DLG2: variants seen among roughly 807,000 people sequenced by gnomAD.
DLG2 encodes the protein disks large homolog 2.
A neutral mutation model predicts 132.5 loss-of-function variants in DLG2; 45 were observed. The observed-to-expected ratio is 0.34, with a 90% CI of 0.27 to 0.44. The LOEUF (loss-of-function observed/expected upper bound fraction) is 0.44, where lower values mean the gene tolerates loss of function less well. Among genes scored for constraint, DLG2 ranks in the 20% least tolerant of loss-of-function variants. The pLI is 1.00. For synonymous variants in DLG2, 424 were observed against 419.6 expected (o/e 1.01, Z -0.13); for missense variants, 1,045 against 1,196.9 (o/e 0.87, Z 1.87).
At chr11:85,109,726 C>T (rs1340673698) in intron 6 of DLG2, among the ~76,000 whole-genome samples, 2 of 152,032 alleles carry the variant, frequency 1.3e-5, no homozygotes, top group Admixed American at 1.3e-4. Flanking sequence ...CTGCCTTATT[C>T]ATGTTTATAT....
intron 3 of DLG2, among the ~76,000 whole-genome samples, chr11:85,355,179 T>G (rs188932266): frequency 2.6e-5 from 4 of 152,290 alleles, no homozygotes; most frequent in Admixed American, 2.6e-4. Context: ...AATTGATCAG[T>G]TGATTGAATA....
At chr11:84,108,618 A>T (rs1196453541) in intron 9 of DLG2, among the ~76,000 whole-genome samples, 2 of 152,102 alleles carry the variant, frequency 1.3e-5, no homozygotes, top group African/African-American at 4.8e-5. Context: ...GTGGTAAGAA[A>T]GGGAAGGAAG....
intron 12 of DLG2, among the ~76,000 whole-genome samples, chr11:83,975,496 T>G (rs907120125): frequency 6.6e-6 from 1 of 152,084 alleles, no homozygotes; most frequent in Non-Finnish European, 1.5e-5. Flanking sequence ...ATGGTCATCT[T>G]ATTTAAAATA....
rs773255134 is a variant in DLG2, at chr11:84,591,256, T to TGTGC, written c.358-56526_358-56525insGCAC. On this transcript the variant is annotated intron_variant, in intron 6 of 27. Coordinates refer to ENST00000376104, the MANE Select transcript of DLG2 (RefSeq NM_001142699.3). Reference sequence around the variant, plus strand: ...GTGTGTGTGTGTGTGTGTGTGTGTGTGCGCGTCTTTCTCCACTACATAATA... The same window carrying TGTGC: ...GTGTGTGTGTGTGTGTGTGTGTGTGTGTGCGCGCGTCTTTCTCCACTACATAATA... 4.3e-4 allele frequency among the ~76,000 whole-genome samples: 64 copies of TGTGC among 150,328 alleles called. 1 individual carries two copies. The highest frequency in any genetic ancestry group is 1.3e-3 in the African/African-American group (54 of 40,370).
Position 84,027,940 on chromosome 11 carries a change from C to A in DLG2, c.919+31375G>T, listed in dbSNP as rs1454865567. Among the ~76,000 whole-genome samples, 12 of 151,854 alleles carry A rather than the reference C, an allele frequency of 7.9e-5. 1 individual carries two copies. The highest frequency in any genetic ancestry group is 2.0e-4 in the Admixed American group (3 of 15,236). On this transcript the variant is annotated intron_variant, in intron 11 of 27. Transcript: ENST00000376104. ...ATAGAAATAAGAATGTACAGAAGGA[C>A]AATTGACTGCCAATAATCTACCAGT...
intron 6 of DLG2, among the ~76,000 whole-genome samples, chr11:84,913,982 A>T (rs1188796760): frequency 6.6e-6 from 1 of 152,206 alleles, no homozygotes; most frequent in Non-Finnish European, 1.5e-5. Flanking sequence ...ATCCAGGCTC[A>T]CTGTAAACTC....
chr11:84,826,713 C>T (rs1255470461), intron 6 of DLG2, among the ~76,000 whole-genome samples: 1 of 151,850 alleles, frequency 6.6e-6, no homozygotes, highest in African/African-American at 2.4e-5. Context: ...ATAGAGGGCA[C>T]ACTGGCACTG....
intron 3 of DLG2, among the ~76,000 whole-genome samples, chr11:85,570,052 G>A (rs1005808593): frequency 2.0e-5 from 3 of 152,114 alleles, no homozygotes; most frequent in Admixed American, 6.6e-5. Flanking sequence ...TAGTTACTAC[G>A]CTCACTACCT....
chr11:83,566,654 G>A (rs2096713807), intron 19 of DLG2, among the ~76,000 whole-genome samples: 1 of 150,716 alleles, frequency 6.6e-6, no homozygotes, highest in African/African-American at 2.4e-5. Flanking sequence ...CTCTCTAATT[G>A]TTGTTTATAT....
At chr11:85,172,701 C>G (rs913712381) in intron 4 of DLG2, among the ~76,000 whole-genome samples, 4 of 152,018 alleles carry the variant, frequency 2.6e-5, no homozygotes, top group African/African-American at 9.7e-5. Flanking sequence ...ATATTCTAAC[C>G]CAATGCAAAG....
chr11:85,611,481 G>A (rs748290450), intron 2 of DLG2, among the ~76,000 whole-genome samples: 4 of 152,178 alleles, frequency 2.6e-5, no homozygotes, highest in Non-Finnish European at 4.4e-5. Context: ...TATGCCGCCC[G>A]AGATGATCTC....
intron 4 of DLG2, among the ~76,000 whole-genome samples, chr11:85,169,340 G>A (rs76097265): frequency 1.2e-3 from 180 of 152,052 alleles, no homozygotes; most frequent in Non-Finnish European, 1.8e-3. Context: ...GAAATTTTCC[G>A]CTCCCTCTCT....
chr11:85,221,114 C>A (rs1427937988), intron 4 of DLG2, among the ~76,000 whole-genome samples: 1 of 151,658 alleles, frequency 6.6e-6, no homozygotes, highest in Non-Finnish European at 1.5e-5. Context: ...GTGATCCCAG[C>A]TCACTGCAAG....
intron 15 of DLG2, among the ~76,000 whole-genome samples, chr11:83,878,792 A>C (rs2065407245): frequency 6.6e-6 from 1 of 152,198 alleles, no homozygotes; most frequent in African/African-American, 2.4e-5. Flanking sequence ...CTGGAGAAGA[A>C]GTCCCCTGTC....
intron 3 of DLG2, among the ~76,000 whole-genome samples, chr11:85,493,656 C>T (rs1361699220): frequency 7.2e-6 from 1 of 139,538 alleles, no homozygotes; most frequent in East Asian, 2.2e-4. Context: ...GGCAACAGAG[C>T]AAGATCCCAT....
chr11:85,041,477 AGTT>A (rs999071077), intron 6 of DLG2, among the ~76,000 whole-genome samples: 5 of 151,924 alleles, frequency 3.3e-5, no homozygotes, highest in Admixed American at 1.3e-4. Context: ...AATTTCATAG[AGTT>A]GTTGTGAGGA....
chr11:84,876,427 C>T (rs1327294591), intron 6 of DLG2, among the ~76,000 whole-genome samples: 1 of 152,062 alleles, frequency 6.6e-6, no homozygotes, highest in East Asian at 1.9e-4. Context: ...TGTATGTGTC[C>T]AGGAATTTAT....
intron 3 of DLG2, among the ~76,000 whole-genome samples, chr11:85,365,252 CA>C (rs1197393056): frequency 1.3e-5 from 2 of 152,024 alleles, no homozygotes; most frequent in Non-Finnish European, 2.9e-5. Flanking sequence ...AGATTAATGG[CA>C]AAGGGTATCC....
At chr11:83,460,162 A>G (rs1419836766) in intron 27 of DLG2, among the ~76,000 whole-genome samples, 1 of 152,232 alleles carries the variant, frequency 6.6e-6, no homozygotes, top group Non-Finnish European at 1.5e-5. Flanking sequence ...CAGTCTTTGC[A>G]CTTTCTACAT....
Sources: allele counts gnomAD v4.1 joint callset (sites outside exome capture counted in the v4.1 genomes callset), GRCh38; gene constraint gnomAD v4.1.1; transcripts MANE v1.5; gene names NCBI Gene and HGNC (gene_info 2026-07-23, HGNC 2026-07-21).